TGFBR3: variants seen among roughly 807,000 people sequenced by gnomAD.
TGFBR3 encodes the protein transforming growth factor beta receptor type 3.
Under a neutral mutation model 87.9 loss-of-function variants are expected in TGFBR3, and 46 were observed. That is an observed-to-expected ratio of 0.52 (90% confidence interval 0.41 to 0.67). The LOEUF is 0.67. Ranked by LOEUF, TGFBR3 falls within the 30% of genes least tolerant of loss-of-function variation. The pLI, the probability that TGFBR3 is intolerant of heterozygous loss-of-function variation, is 0.00. For synonymous variants in TGFBR3, 381 were observed against 391.6 expected (o/e 0.97, Z 0.32); for missense variants, 866 against 1,041.9 (o/e 0.83, Z 2.32).
chr1:91,822,853 G>A (rs373555850), intron 2 of TGFBR3, among the ~76,000 whole-genome samples: 2 of 152,074 alleles, frequency 1.3e-5, no homozygotes, highest in Admixed American at 6.6e-5. Flanking sequence ...TTGAGCCCAG[G>A]AGCCAGAGGT....
intron 4 of TGFBR3, among the ~76,000 whole-genome samples, chr1:91,757,130 T>C (rs1435776667): frequency 6.6e-6 from 1 of 152,218 alleles, no homozygotes; most frequent in Non-Finnish European, 1.5e-5. Context: ...CTTGTCTTTT[T>C]GTCTCCTCTA....
At chr1:91,777,766 G>T (rs1261691057) in intron 3 of TGFBR3, among the ~76,000 whole-genome samples, 1 of 152,138 alleles carries the variant, frequency 6.6e-6, no homozygotes, top group Non-Finnish European at 1.5e-5. Flanking sequence ...TCTGTTACAG[G>T]TGTTGCTCTT....
intron 3 of TGFBR3, among the ~76,000 whole-genome samples, chr1:91,778,233 T>C (rs1193607841): frequency 6.6e-6 from 1 of 152,116 alleles, no homozygotes; most frequent in Non-Finnish European, 1.5e-5. Context: ...AGGTGGTTCC[T>C]TATTCACTGA....
chr1:91,749,669 G>C (rs569693925), intron 4 of TGFBR3, among the ~76,000 whole-genome samples: 2 of 152,284 alleles, frequency 1.3e-5, no homozygotes, highest in South Asian at 4.1e-4. Flanking sequence ...GAGATGGAGA[G>C]TGTAGGTCAC....
chr1:91,716,187 T>C (rs374853011), intron 12 of TGFBR3, 49 bp downstream of exon 12: 7 of 1,611,462 alleles, frequency 4.3e-6, no homozygotes, highest in Non-Finnish European at 5.9e-6. Flanking sequence ...TCTAAGGAAC[T>C]ATAGCCCAGC....
chr1:91,790,510 G>A (rs1347219276), intron 3 of TGFBR3, among the ~76,000 whole-genome samples: 1 of 152,158 alleles, frequency 6.6e-6, no homozygotes, highest in Non-Finnish European at 1.5e-5. Context: ...GACCATTTCA[G>A]AGGTAATCTT....
intron 3 of TGFBR3, among the ~76,000 whole-genome samples, chr1:91,772,458 A>G (rs1330521719): frequency 6.6e-6 from 1 of 152,176 alleles, no homozygotes; most frequent in Non-Finnish European, 1.5e-5. Context: ...AGACTTGAGG[A>G]GTTTGTTCCT....
At chr1:91,830,390 G>A (rs1165675606) in intron 2 of TGFBR3, among the ~76,000 whole-genome samples, 6 of 152,164 alleles carry the variant, frequency 3.9e-5, no homozygotes, top group Admixed American at 1.3e-4. Flanking sequence ...GCAGGCAGTC[G>A]ATTTCCAGGG....
chr1:91,690,460 C>T (rs993922936), intron 16 of TGFBR3, among the ~76,000 whole-genome samples: 1 of 151,984 alleles, frequency 6.6e-6, no homozygotes, highest in African/African-American at 2.4e-5. Flanking sequence ...TTTTGCTCAG[C>T]CTAAAAGGAG....
intron 2 of TGFBR3, among the ~76,000 whole-genome samples, chr1:91,814,508 A>G (rs1288170743): frequency 6.6e-6 from 1 of 152,184 alleles, no homozygotes; most frequent in Admixed American, 6.5e-5. Context: ...AAAATAAACT[A>G]TGCTCAACCC....
Position 91,720,132 on chromosome 1 carries a change from G to C in TGFBR3, c.1174C>G (p.Arg392Gly), listed in dbSNP as rs753445562. 1 of 1,614,032 alleles carries C rather than the reference G, an allele frequency of 6.2e-7. No individual in the cohort carries two copies. Among genetic ancestry groups the C allele is most frequent in the Non-Finnish European group, 8.5e-7 (1 of 1,179,996 alleles). Residue 392 changes from arginine (R) to glycine (G), a missense_variant, in exon 9 of 17, where the codon CGG (arginine) becomes GGG (glycine). Arg to Gly is a moderately radical substitution (Grantham distance 125). Coordinates refer to ENST00000212355, the MANE Select transcript of TGFBR3 (RefSeq NM_003243.5). ...ALPALQNPPIRGGEGQNGGLP... is the reference protein window; with the variant it reads ...ALPALQNPPIGGGEGQNGGLP... ...CCTCCATTTTGGCCTTCCCCTCCCC[G>C]GATGGGCGGGTTCTGCAGGGCAGGC...
At chr1:91,900,514 A>C (rs1679689435) in intron 1 of TGFBR3, among the ~76,000 whole-genome samples, 2 of 152,238 alleles carry the variant, frequency 1.3e-5, no homozygotes, top group African/African-American at 4.8e-5. Flanking sequence ...AATCACTACT[A>C]ATGAAAATTC....
intron 2 of TGFBR3, 99 bp from the exon 3 acceptor site, chr1:91,797,570 G>T: frequency 7.7e-7 from 1 of 1,307,058 alleles, no homozygotes; most frequent in Non-Finnish European, 1.1e-6. Flanking sequence ...CACCAGAGAT[G>T]CCTTTCCAGG....
At chr1:91,729,696 C>A in intron 6 of TGFBR3, 109 bp downstream of exon 6, 1 of 1,307,682 alleles carries the variant, frequency 7.6e-7, no homozygotes, top group Non-Finnish European at 1.1e-6. Context: ...GGCTCCCTTC[C>A]CTCCTGCGTA....
intron 2 of TGFBR3, among the ~76,000 whole-genome samples, chr1:91,799,241 T>C (rs1675507296): frequency 6.6e-6 from 1 of 152,214 alleles, no homozygotes; most frequent in Admixed American, 6.5e-5. Context: ...AGGCTGATAA[T>C]AGCTATCTGG....
intron 5 of TGFBR3, among the ~76,000 whole-genome samples, chr1:91,733,260 A>G (rs993844892): frequency 8.5e-5 from 13 of 152,230 alleles, no homozygotes; most frequent in Non-Finnish European, 1.6e-4. Flanking sequence ...AACAAGCGTT[A>G]AACTCAAGAG....
At chr1:91,719,154 G>A (rs537422543) in intron 10 of TGFBR3, among the ~76,000 whole-genome samples, 158 bp downstream of exon 10, 1 of 152,272 alleles carries the variant, frequency 6.6e-6, no homozygotes, top group South Asian at 2.1e-4. Context: ...AGAGCTCAGG[G>A]TCAAAGTACA....
intron 4 of TGFBR3, among the ~76,000 whole-genome samples, chr1:91,749,204 T>C (rs745790107): frequency 6.6e-5 from 10 of 152,174 alleles, no homozygotes; most frequent in East Asian, 5.8e-4. Flanking sequence ...CCAGAACCAA[T>C]AGAATCTCAA....
At chr1:91,849,247 T>A (rs1267171132) in intron 2 of TGFBR3, among the ~76,000 whole-genome samples, 3 of 152,084 alleles carry the variant, frequency 2.0e-5, no homozygotes, top group African/African-American at 4.8e-5. Flanking sequence ...CTGCTCAAAC[T>A]CTCCAATGGC....
Sources: allele counts gnomAD v4.1 joint callset (sites outside exome capture counted in the v4.1 genomes callset), GRCh38; gene constraint gnomAD v4.1.1; transcripts MANE v1.5; gene names NCBI Gene and HGNC (gene_info 2026-07-23, HGNC 2026-07-21).